Variants in MYBL2 observed in about 807,000 individuals in gnomAD.
MYBL2 encodes MYB proto-oncogene like 2.
A neutral mutation model predicts 79.9 loss-of-function variants in MYBL2; 28 were observed. That is an observed-to-expected ratio of 0.35 (90% CI 0.26 to 0.48). The LOEUF is 0.48. Ranked by LOEUF, MYBL2 falls within the 20% of genes least tolerant of loss-of-function variation. The probability of loss-of-function intolerance (pLI) is 0.99; values close to 1 mark genes in which losing one functional copy is unlikely to be tolerated. For synonymous variants in MYBL2, 378 were observed against 361.2 expected (o/e 1.05, Z -0.53); for missense variants, 735 against 893.9 (o/e 0.82, Z 2.27).
At chr20:43,698,659 T>C (rs1987612454) in intron 6 of MYBL2, among the ~76,000 whole-genome samples, 1 of 142,934 alleles carries the variant, frequency 7.0e-6, no homozygotes, top group Non-Finnish European at 1.5e-5. Context: ...ATTACAGGCG[T>C]GATTTTTTTT....
At chr20:43,673,739 A>C in intron 1 of MYBL2, 67 bp from the exon 2 acceptor site, 1 of 1,508,438 alleles carries the variant, frequency 6.6e-7, no homozygotes, top group Non-Finnish European at 9.2e-7. Context: ...GCCGCTGCCT[A>C]CACGTTCTCC....
chr20:43,714,024 G>A (rs1371786931), intron 12 of MYBL2, among the ~76,000 whole-genome samples: 6 of 152,134 alleles, frequency 3.9e-5, no homozygotes, highest in Non-Finnish European at 7.4e-5. Context: ...TCCTGGCTAG[G>A]GGTCTCTGAC....
At chr20:43,692,889 A>G (rs1462962988) in intron 6 of MYBL2, among the ~76,000 whole-genome samples, 1 of 152,218 alleles carries the variant, frequency 6.6e-6, no homozygotes, top group Non-Finnish European at 1.5e-5. Flanking sequence ...CAAGGTATAC[A>G]ACAGTCCCAT....
At chr20:43,674,224 T>TTCC (rs1555809907) in intron 2 of MYBL2, among the ~76,000 whole-genome samples, 1 of 58,202 alleles carries the variant, frequency 1.7e-5, no homozygotes, top group Non-Finnish European at 3.5e-5. Flanking sequence ...AATCTGTAAC[T>TTCC]CCCCCCACCC....
Position 43,691,309 on chromosome 20 carries a change from A to T in MYBL2, c.501-848A>T, listed in dbSNP as rs375569607. ...CAGTTTTATAATTTTTAAAAAATTTAAAATTTTTTTTTTCATTTTTATTTA... is the reference window on the plus strand; with the variant it reads ...CAGTTTTATAATTTTTAAAAAATTTTAAATTTTTTTTTTCATTTTTATTTA... On this transcript the variant is annotated intron_variant, in intron 5 of 13. Coordinates refer to ENST00000217026, the MANE Select transcript of MYBL2 (RefSeq NM_002466.4). 3.7e-3 allele frequency among the ~76,000 whole-genome samples: 563 copies of T among 152,092 alleles called. 4 individuals are homozygous for T. Among genetic ancestry groups the T allele is most frequent in the South Asian group, 8.1e-3 (39 of 4,820 alleles).
chr20:43,702,776 A>C lies in MYBL2; in HGVS notation c.1238A>C (p.Gln413Pro). 6.2e-7 allele frequency: 1 copy of C among 1,614,218 alleles called. No individual in the cohort carries two copies. Among genetic ancestry groups the C allele is most frequent in the Middle Eastern group, 1.6e-4 (1 of 6,062 alleles). The change falls in exon 8 of 14, where the codon CAG becomes CCG. Residue 413 changes from glutamine (Q) to proline (P), a missense_variant. Physicochemically the swap from Gln to Pro is moderately conservative, Grantham distance 76. Around this residue, in one of 5 missense-constraint regions of MYBL2, gnomAD observed 243 missense variants for 327.2 expected, o/e 0.74. Coordinates refer to ENST00000217026, the MANE Select transcript of MYBL2 (RefSeq NM_002466.4). ...ACACCGCCCTCTGTGCTCAAGCGGC[A>C]GAGGAAGAGGCGTGTGGCTCTGTCC... ...IGTPPSVLKRQRKRRVALSPV... is the reference protein window; with the variant it reads ...IGTPPSVLKRPRKRRVALSPV...
chr20:43,707,567 A>G (rs1262416732), intron 9 of MYBL2, among the ~76,000 whole-genome samples: 1 of 151,620 alleles, frequency 6.6e-6, no homozygotes, highest in Non-Finnish European at 1.5e-5. Context: ...TAATTTTTCT[A>G]TTTTTTTGTA....
At chr20:43,685,757 A>G (rs1197914877) in intron 4 of MYBL2, among the ~76,000 whole-genome samples, 1 of 151,966 alleles carries the variant, frequency 6.6e-6, no homozygotes, top group African/African-American at 2.4e-5. Flanking sequence ...ACTGTCTCAA[A>G]AAAATGGCGG....
chr20:43,668,914 T>C (rs1182112989), intron 1 of MYBL2, among the ~76,000 whole-genome samples: 1 of 152,078 alleles, frequency 6.6e-6, no homozygotes, highest in Non-Finnish European at 1.5e-5. Flanking sequence ...TTGCCCAGGC[T>C]GGAGTGCAGT....
At chr20:43,685,379 C>T (rs1987249055) in intron 4 of MYBL2, among the ~76,000 whole-genome samples, 1 of 151,456 alleles carries the variant, frequency 6.6e-6, no homozygotes, top group South Asian at 2.1e-4. Context: ...CGGGGTTTTG[C>T]CATGTTGGTC....
intron 6 of MYBL2, among the ~76,000 whole-genome samples, chr20:43,695,563 C>T (rs1486080221): frequency 6.6e-6 from 1 of 152,096 alleles, no homozygotes; most frequent in Non-Finnish European, 1.5e-5. Context: ...GTGGGGGGAA[C>T]CCTTTTGGCT....
intron 2 of MYBL2, 59 bp downstream of exon 2, chr20:43,673,958 G>T: frequency 1.4e-6 from 2 of 1,419,862 alleles, no homozygotes; most frequent in Non-Finnish European, 1.9e-6. Flanking sequence ...GAGGAACTGA[G>T]CCTGGAGTGT....
chr20:43,674,751 C>G (rs1986965144), intron 2 of MYBL2, among the ~76,000 whole-genome samples: 1 of 151,950 alleles, frequency 6.6e-6, no homozygotes, highest in South Asian at 2.1e-4. Context: ...AGGCTAATCT[C>G]GAACTCCTGA....
chr20:43,677,694 C>T (rs866451083), intron 2 of MYBL2, among the ~76,000 whole-genome samples: 6 of 150,932 alleles, frequency 4.0e-5, no homozygotes, highest in Non-Finnish European at 7.4e-5. Context: ...GGGGTCAGCC[C>T]CCTGCCTGGC....
chr20:43,670,798 G>A (rs1280820710), intron 1 of MYBL2, among the ~76,000 whole-genome samples: 1 of 152,130 alleles, frequency 6.6e-6, no homozygotes, highest in African/African-American at 2.4e-5. Flanking sequence ...AACAAGACTT[G>A]CCTTGTTTGG....
Position 43,698,116 on chromosome 20 carries a change from T to G in MYBL2, c.664-1641T>G, listed in dbSNP as rs147014924. The stretch of plus-strand genomic sequence containing the variant: ...TGGTTTGTACATTTTATTTGTATAT[T>G]AAGGATGCTACTCCTTTATCATGTA... On this transcript the variant is annotated intron_variant, in intron 6 of 13. Coordinates refer to ENST00000217026, the MANE Select transcript of MYBL2 (RefSeq NM_002466.4). Among the ~76,000 whole-genome samples, 151 of 150,490 alleles carry G rather than the reference T, an allele frequency of 1.0e-3. 1 individual carries two copies. The highest frequency in any genetic ancestry group is 3.3e-3 in the African/African-American group (136 of 41,088).
chr20:43,711,626 C>A, intron 11 of MYBL2, 25 bp downstream of exon 11: 1 of 1,590,810 alleles, frequency 6.3e-7, no homozygotes, highest in African/African-American at 1.3e-5. Context: ...GGTGGGAGAG[C>A]CTGGGCAGGG....
chr20:43,685,033 G>A (rs571580474), intron 4 of MYBL2, among the ~76,000 whole-genome samples: 2 of 151,056 alleles, frequency 1.3e-5, no homozygotes, highest in Admixed American at 1.3e-4. Context: ...TGTAATCCCA[G>A]CTACTTGGGA....
chr20:43,681,890 C>T (rs995712721), intron 3 of MYBL2, 35 bp downstream of exon 3: 3 of 1,606,574 alleles, frequency 1.9e-6, no homozygotes, highest in Non-Finnish European at 2.6e-6. Flanking sequence ...TCCCTCGGGG[C>T]AAGGGCTCTG....
Sources: allele counts gnomAD v4.1 joint callset (sites outside exome capture counted in the v4.1 genomes callset), GRCh38; gene constraint gnomAD v4.1.1; regional missense constraint gnomAD v4.1.1; transcripts MANE v1.5; gene names NCBI Gene and HGNC (gene_info 2026-07-23, HGNC 2026-07-21).